The following ZC3H12C variants were observed in gnomAD, a reference collection of about 807,000 sequenced individuals.
The protein encoded by ZC3H12C is probable ribonuclease ZC3H12C.
Under a neutral mutation model 76.3 loss-of-function variants are expected in ZC3H12C, and 20 were observed. That is an observed-to-expected ratio of 0.26 (90% CI 0.18 to 0.38). The LOEUF (loss-of-function observed/expected upper bound fraction) is 0.38, where lower values mean the gene tolerates loss of function less well. Ranked by LOEUF, ZC3H12C falls within the 10% of genes least tolerant of loss-of-function variation. ZC3H12C has a pLI of 1.00. For synonymous variants in ZC3H12C, 352 were observed against 399.6 expected (o/e 0.88, Z 1.42); for missense variants, 874 against 1,086.5 (o/e 0.80, Z 2.75).
chr11:110,144,269 C>T (rs1422511419), intron 2 of ZC3H12C, among the ~76,000 whole-genome samples: 1 of 152,134 alleles, frequency 6.6e-6, no homozygotes, highest in Non-Finnish European at 1.5e-5. Flanking sequence ...AATATTAAGA[C>T]TGAGAGGACA....
intron 1 of ZC3H12C, among the ~76,000 whole-genome samples, chr11:110,110,524 C>T (rs921906356): frequency 2.2e-4 from 33 of 152,084 alleles, no homozygotes; most frequent in Non-Finnish European, 4.1e-4. Flanking sequence ...TCTTTCCTGT[C>T]CTGCTTATGG....
chr11:110,153,629 A>G (rs993831517), intron 3 of ZC3H12C, among the ~76,000 whole-genome samples: 2 of 152,146 alleles, frequency 1.3e-5, no homozygotes, highest in South Asian at 4.1e-4. Flanking sequence ...GAGATGCCAG[A>G]AGTCACAAGA....
intron 1 of ZC3H12C, among the ~76,000 whole-genome samples, chr11:110,120,949 G>A (rs2134162772): frequency 6.6e-6 from 1 of 152,314 alleles, no homozygotes; most frequent in South Asian, 2.1e-4. Context: ...TTTAACAGGT[G>A]AAACTGTGGA....
rs2134178476 is a variant in ZC3H12C at position 110,138,347 on chromosome 11, G to A, written c.773+933G>A. Among the ~76,000 whole-genome samples, 6 of 152,040 alleles carry A rather than the reference G, an allele frequency of 3.9e-5. No homozygotes were observed. In the South Asian group the frequency reaches 1.2e-3, roughly 32 times the overall value. ...CCAGAGAATCATCTGAGGGACTTAT[G>A]GAAAATGCAGATTCTATATCAGTGC... On this transcript the variant is annotated intron_variant, in intron 2 of 5. Coordinates refer to ENST00000278590, the MANE Select transcript of ZC3H12C (RefSeq NM_033390.2).
At chr11:110,106,883 G>A (rs1362209764) in intron 1 of ZC3H12C, among the ~76,000 whole-genome samples, 1 of 152,176 alleles carries the variant, frequency 6.6e-6, no homozygotes, top group Non-Finnish European at 1.5e-5. Flanking sequence ...GGTTTTTTCA[G>A]TATTTCAATT....
At chr11:110,111,658 G>A (rs1335570774) in intron 1 of ZC3H12C, among the ~76,000 whole-genome samples, 6 of 149,284 alleles carry the variant, frequency 4.0e-5, no homozygotes, top group Non-Finnish European at 8.9e-5. Context: ...AGCTTCCCAA[G>A]TAGCTGGGAG....
chr11:110,163,282 C>T lies in ZC3H12C; in HGVS notation c.1158C>T (p.Pro386=). ...ATTATCTCCATGACAGGTTCATGCC[C>T]CCTGATGACCCTCTTGGCAGACATG... ...MYSFVNDKFM[P]PDDPLGRHGP... is the part of the protein sequence containing the mutation. Residue 386 remains proline (P), a synonymous_variant, in exon 5 of 6, where the codon CCC becomes CCT. Transcript: ENST00000278590. 1 of 1,612,116 alleles carries T rather than the reference C, an allele frequency of 6.2e-7. No homozygotes were observed. Among genetic ancestry groups the T allele is most frequent in the Non-Finnish European group, 8.5e-7 (1 of 1,179,180 alleles).
intron 1 of ZC3H12C, among the ~76,000 whole-genome samples, chr11:110,111,264 ATACT>A (rs1016312189): frequency 6.6e-6 from 1 of 152,154 alleles, no homozygotes; most frequent in South Asian, 2.1e-4. Context: ...ACTAGATTGG[ATACT>A]TACTTGATGG....
rs1862607164 is a variant in ZC3H12C at position 110,167,672 on chromosome 11, G to A, written c.*1935G>A. ...GGGTATACAGTAAATGCTTCTAAAA[G>A]GCATTGTGCATATTGACATAACCAA... On this transcript the variant is annotated 3_prime_UTR_variant, in exon 6 of 6. Coordinates refer to ENST00000278590, the MANE Select transcript of ZC3H12C (RefSeq NM_033390.2). The A allele has an allele frequency of 6.6e-6, 1 of 152,118 alleles. No homozygotes were observed. The highest frequency in any genetic ancestry group is 2.4e-5 in the African/African-American group (1 of 41,414). 9.4% of individuals were successfully genotyped at this position (152,118 alleles called of 1,614,324 possible). A position where few individuals can be genotyped will look rare whatever the true frequency, so the allele number is the denominator to read the frequency against.
chr11:110,097,545 G>A (rs1392543560), intron 1 of ZC3H12C, among the ~76,000 whole-genome samples: 1 of 152,160 alleles, frequency 6.6e-6, no homozygotes, highest in Non-Finnish European at 1.5e-5. Flanking sequence ...TGTTCTAAGT[G>A]CTGTACATGT....
At chr11:110,119,911 T>A (rs7119100) in intron 1 of ZC3H12C, among the ~76,000 whole-genome samples, 107,932 of 152,112 alleles carry the variant, frequency 0.71, 38,616 homozygotes, top group East Asian at 0.89. Context: ...ATTGGATGTT[T>A]GTTTCCAATA....
intron 1 of ZC3H12C, among the ~76,000 whole-genome samples, chr11:110,127,467 G>T (rs1015214024): frequency 2.0e-5 from 3 of 152,052 alleles, no homozygotes; most frequent in Non-Finnish European, 4.4e-5. Context: ...GTTGTTGTTG[G>T]TGGTGGTGGT....
At chr11:110,115,249 G>A (rs1861504173) in intron 1 of ZC3H12C, among the ~76,000 whole-genome samples, 1 of 151,812 alleles carries the variant, frequency 6.6e-6, no homozygotes, top group African/African-American at 2.4e-5. Flanking sequence ...GGAACTACAG[G>A]CATGCACCAC....
intron 1 of ZC3H12C, among the ~76,000 whole-genome samples, chr11:110,129,056 G>A (rs1861812020): frequency 1.3e-5 from 2 of 152,152 alleles, no homozygotes; most frequent in Admixed American, 6.5e-5. Flanking sequence ...TTTATGAAAT[G>A]AGACCATCGC....
chr11:110,100,453 T>G (rs1419395973), intron 1 of ZC3H12C, among the ~76,000 whole-genome samples: 1 of 152,218 alleles, frequency 6.6e-6, no homozygotes, highest in Non-Finnish European at 1.5e-5. Flanking sequence ...GCTTTTTGGT[T>G]CTTTTTTTGT....
intron 1 of ZC3H12C, among the ~76,000 whole-genome samples, chr11:110,120,690 A>C (rs1335864108): frequency 6.6e-6 from 1 of 152,192 alleles, no homozygotes; most frequent in Non-Finnish European, 1.5e-5. Context: ...TTTAGCAAGT[A>C]GGCAAATTTG....
intron 2 of ZC3H12C, among the ~76,000 whole-genome samples, chr11:110,140,547 G>A (rs371454592): frequency 6.6e-6 from 1 of 152,156 alleles, no homozygotes; most frequent in East Asian, 1.9e-4. Flanking sequence ...ACATTCTTCT[G>A]TTGAGTGTTA....
In ZC3H12C at chr11:110,115,381, C is replaced by T. The variant is rs575830837; in HGVS notation, c.22-21282C>T. Among the ~76,000 whole-genome samples the T allele has an allele frequency of 2.6e-5, 4 of 152,302 alleles. No individual in the cohort carries two copies. In the East Asian group the frequency reaches 7.7e-4, roughly 29 times the overall value. ...GCAGTGGCGTGATCTTGGCTCACTG[C>T]AGCCTCTGCCTCCCAGGTTCAAGCA... On this transcript the variant is annotated intron_variant, in intron 1 of 5. Coordinates refer to ENST00000278590, the MANE Select transcript of ZC3H12C (RefSeq NM_033390.2).
chr11:110,129,325 AT>A (rs112263322), intron 1 of ZC3H12C, among the ~76,000 whole-genome samples: 3 of 152,312 alleles, frequency 2.0e-5, no homozygotes, highest in African/African-American at 7.2e-5. Flanking sequence ...AACAATAATA[AT>A]TTTCAGTTTT....
Sources: allele counts gnomAD v4.1 joint callset (sites outside exome capture counted in the v4.1 genomes callset), GRCh38; gene constraint gnomAD v4.1.1; transcripts MANE v1.5; gene names NCBI Gene and HGNC (gene_info 2026-07-23, HGNC 2026-07-21).